ADARB2: variants seen among roughly 807,000 people sequenced by gnomAD.
ADARB2 encodes the protein adenosine deaminase RNA specific B2 (inactive).
Under a neutral mutation model 62.2 loss-of-function variants are expected in ADARB2, and 25 were observed. That is an observed-to-expected ratio of 0.40 (90% confidence interval 0.29 to 0.56). The LOEUF (loss-of-function observed/expected upper bound fraction) is 0.56. ADARB2 is among the 20% of genes least tolerant of loss of function. The pLI is 0.43. For synonymous variants in ADARB2, 572 were observed against 500.8 expected (o/e 1.14, Z -1.90); for missense variants, 1,071 against 1,077.4 (o/e 0.99, Z 0.08).
chr10:1,347,064 A>G (rs1239452226), intron 3 of ADARB2, among the ~76,000 whole-genome samples: 1 of 152,224 alleles, frequency 6.6e-6, no homozygotes, highest in Non-Finnish European at 1.5e-5. Context: ...ATTCCATCAC[A>G]GATCCTTATT....
At chr10:1,513,393 G>A (rs968857298) in intron 1 of ADARB2, among the ~76,000 whole-genome samples, 19 of 152,178 alleles carry the variant, frequency 1.2e-4, no homozygotes, top group African/African-American at 2.2e-4. Flanking sequence ...AGCCGGCAGC[G>A]CCCTGCAGCC....
chr10:1,437,290 C>A (rs1830844684), intron 1 of ADARB2, among the ~76,000 whole-genome samples: 1 of 150,616 alleles, frequency 6.6e-6, no homozygotes, highest in South Asian at 2.1e-4. Context: ...ATATAGCTAA[C>A]TTTCCATATG....
intron 1 of ADARB2, among the ~76,000 whole-genome samples, chr10:1,699,998 T>C (rs563057920): frequency 4.9e-4 from 5 of 10,164 alleles, no homozygotes; most frequent in Non-Finnish European, 7.6e-4. Flanking sequence ...CAGGCGCTAG[T>C]CAATACACGC....
At chr10:1,368,248 T>C (rs1249093261) in intron 2 of ADARB2, among the ~76,000 whole-genome samples, 1 of 146,742 alleles carries the variant, frequency 6.8e-6, no homozygotes, top group African/African-American at 2.4e-5. Flanking sequence ...AATGAAGATT[T>C]AAAAAATATT....
chr10:1,666,356 C>G (rs556273021), intron 1 of ADARB2, among the ~76,000 whole-genome samples: 10 of 152,222 alleles, frequency 6.6e-5, no homozygotes, highest in African/African-American at 2.4e-4. Flanking sequence ...AGCTCATCTG[C>G]GAGTCGGAGC....
intron 1 of ADARB2, among the ~76,000 whole-genome samples, chr10:1,592,307 G>A (rs542018790): frequency 2.5e-3 from 374 of 150,662 alleles, no homozygotes; most frequent in African/African-American, 8.6e-3. Context: ...GGTCCCCTCT[G>A]TCACCCAGCT....
chr10:1,500,301 C>T (rs576409232), intron 1 of ADARB2, among the ~76,000 whole-genome samples: 1 of 152,330 alleles, frequency 6.6e-6, no homozygotes, highest in East Asian at 1.9e-4. Flanking sequence ...TCTCCCTGAA[C>T]TCTAAGGACA....
intron 1 of ADARB2, among the ~76,000 whole-genome samples, chr10:1,483,070 T>C (rs976878511): frequency 6.6e-6 from 1 of 152,234 alleles, no homozygotes; most frequent in Admixed American, 6.5e-5. Context: ...AGCATCCTAG[T>C]AACTGAGTTC....
chr10:1,421,383 C>T (rs747830314), intron 1 of ADARB2, among the ~76,000 whole-genome samples: 10 of 151,926 alleles, frequency 6.6e-5, no homozygotes, highest in Non-Finnish European at 1.2e-4. Flanking sequence ...TGGCTTCTTG[C>T]GATTTCACAG....
intron 1 of ADARB2, among the ~76,000 whole-genome samples, chr10:1,400,197 T>C (rs543728787): frequency 7.2e-5 from 11 of 152,186 alleles, no homozygotes; most frequent in African/African-American, 1.9e-4. Flanking sequence ...CTGTCCTGCG[T>C]CTGTCTCTCC....
At chr10:1,193,525 G>C (rs145620662) in intron 8 of ADARB2, among the ~76,000 whole-genome samples, 1 of 152,264 alleles carries the variant, frequency 6.6e-6, no homozygotes, top group African/African-American at 2.4e-5. Flanking sequence ...TAATATGCCA[G>C]GTTTCAAACT....
At chr10:1,428,881 G>A (rs954230497) in intron 1 of ADARB2, among the ~76,000 whole-genome samples, 16 of 150,434 alleles carry the variant, frequency 1.1e-4, no homozygotes, top group East Asian at 2.0e-4. Flanking sequence ...ACACACACAC[G>A]GACACACACA....
At chr10:1,262,322 A>AAG (rs1831148858) in intron 4 of ADARB2, among the ~76,000 whole-genome samples, 1 of 86,130 alleles carries the variant, frequency 1.2e-5, no homozygotes, top group Non-Finnish European at 2.7e-5. Context: ...ATAATAATAA[A>AAG]AGAAACCACC....
chr10:1,244,853 A>AAGGGCAC (rs1830968476), intron 4 of ADARB2, among the ~76,000 whole-genome samples: 1 of 152,124 alleles, frequency 6.6e-6, no homozygotes, highest in South Asian at 2.1e-4. Context: ...ACGGATAGGA[A>AAGGGCAC]AGGGCACAGG....
chr10:1,381,752 A>T (rs1247214768), intron 1 of ADARB2, among the ~76,000 whole-genome samples: 1 of 152,230 alleles, frequency 6.6e-6, no homozygotes, highest in Non-Finnish European at 1.5e-5. Flanking sequence ...GACAAATACT[A>T]GTGCATGGTC....
At chr10:1,578,713 TCACA>T (rs376855653) in intron 1 of ADARB2, among the ~76,000 whole-genome samples, 38 of 150,722 alleles carry the variant, frequency 2.5e-4, no homozygotes, top group Non-Finnish European at 1.8e-4. Context: ...TCATGCACAC[TCACA>T]CAGACTCAGG....
chr10:1,556,163 T>C lies in ADARB2; in HGVS notation c.101-177003A>G, dbSNP rs115291513. Among the ~76,000 whole-genome samples the C allele has an allele frequency of 5.8e-3, 882 of 152,124 alleles. 14 individuals are homozygous for C. Among genetic ancestry groups the C allele is most frequent in the African/African-American group, 0.02 (845 of 41,502 alleles). ...GGATGAGGGGGCACCTTCCCGTGGC[T>C]GGGAAACGAGGACACGGCTTCAGGG... On this transcript the variant is annotated intron_variant, in intron 1 of 9. Transcript: ENST00000381312.
At chr10:1,424,385 T>C (rs1588253458) in intron 1 of ADARB2, among the ~76,000 whole-genome samples, 1 of 152,318 alleles carries the variant, frequency 6.6e-6, no homozygotes, top group Non-Finnish European at 1.5e-5. Context: ...GTGAGAACCA[T>C]GTCAGAGCCG....
At chr10:1,403,431 G>T (rs1227816562) in intron 1 of ADARB2, among the ~76,000 whole-genome samples, 1 of 152,196 alleles carries the variant, frequency 6.6e-6, no homozygotes, top group Non-Finnish European at 1.5e-5. Flanking sequence ...GTCAGGTGTG[G>T]ACTGTGCTCC....
Sources: gnomAD v4.1 joint callset for allele counts (sites outside exome capture counted in the v4.1 genomes callset) on GRCh38, gnomAD v4.1.1 for gene constraint, MANE v1.5 for transcripts, NCBI Gene and HGNC (gene_info 2026-07-23, HGNC 2026-07-21) for gene names.